The following WDR25 variants were observed in gnomAD, a reference collection of about 807,000 sequenced individuals.
The protein encoded by WDR25 is WD repeat domain 25.
In WDR25, 35 loss-of-function variants were observed where a neutral mutation model predicts 47.7. That is an observed-to-expected ratio of 0.73 (90% CI 0.56 to 0.97). WDR25 has a LOEUF of 0.97. WDR25 is among the 50% of genes least tolerant of loss of function. The pLI, the probability that WDR25 is intolerant of heterozygous loss-of-function variation, is 0.00. For synonymous variants in WDR25, 248 were observed against 278.9 expected (o/e 0.89, Z 1.10); for missense variants, 634 against 704.7 (o/e 0.90, Z 1.14).
intron 3 of WDR25, among the ~76,000 whole-genome samples, chr14:100,482,670 T>TGGA (rs1383242628): frequency 6.6e-6 from 1 of 152,182 alleles, no homozygotes; most frequent in Non-Finnish European, 1.5e-5. Context: ...CCTGGTGAGC[T>TGGA]GGTAGAGCCC....
In WDR25 at chr14:100,468,863, C is replaced by G. The variant is rs902189787; in HGVS notation, c.970+695C>G. The stretch of plus-strand genomic sequence containing the variant: ...CACCTCTGCCATCTGCCTCCCAGTC[C>G]GAGCTCCTTCCTCTCTTTCTCCTTT... On this transcript the variant is annotated intron_variant, in intron 3 of 6. Coordinates refer to ENST00000402312, the MANE Select transcript of WDR25 (RefSeq NM_001161476.3). The surrounding 1 kb of genome is among the most constrained non-coding windows in gnomAD (Gnocchi z 4.5). Among the ~76,000 whole-genome samples the G allele has an allele frequency of 6.6e-6, 1 of 152,112 alleles. No homozygotes were observed. Among genetic ancestry groups the G allele is most frequent in the African/African-American group, 2.4e-5 (1 of 41,422 alleles).
Position 100,426,509 on chromosome 14 carries a change from C to G in WDR25, c.823-41512C>G, listed in dbSNP as rs182322605. ...AGAGCTGTCAAAAGTCAATAAAGTA[C>G]TCAGACGCCTGCGTGCGCCCAGCCC... On this transcript the variant is annotated intron_variant, in intron 2 of 6. Coordinates refer to ENST00000402312, the MANE Select transcript of WDR25 (RefSeq NM_001161476.3). 2.4e-4 allele frequency among the ~76,000 whole-genome samples: 36 copies of G among 152,378 alleles called. No individual in the cohort carries two copies. In the East Asian group the frequency reaches 6.9e-3, roughly 29 times the overall value.
At chr14:100,426,018 C>T (rs535591814) in intron 2 of WDR25, among the ~76,000 whole-genome samples, 5 of 152,346 alleles carry the variant, frequency 3.3e-5, no homozygotes, top group Admixed American at 6.5e-5. Context: ...ACGCCGTCAT[C>T]GTGAATATGC....
chr14:100,491,420 C>A (rs1224580012), intron 4 of WDR25, among the ~76,000 whole-genome samples: 1 of 152,204 alleles, frequency 6.6e-6, no homozygotes, highest in Non-Finnish European at 1.5e-5. Flanking sequence ...AATGTCAGAC[C>A]ATATATAGGA....
intron 2 of WDR25, among the ~76,000 whole-genome samples, chr14:100,398,978 A>G (rs1897318033): frequency 2.0e-5 from 3 of 151,368 alleles, no homozygotes; most frequent in South Asian, 4.2e-4. Context: ...CAAGCAGAAG[A>G]TTTGCACCTT....
At chr14:100,421,730 T>C (rs1898032608) in intron 2 of WDR25, among the ~76,000 whole-genome samples, 1 of 152,242 alleles carries the variant, frequency 6.6e-6, no homozygotes, top group Non-Finnish European at 1.5e-5. Context: ...TTTTAAATGT[T>C]TCCTGCATAT....
Position 100,425,531 on chromosome 14 carries a change from C to T in WDR25, c.823-42490C>T, listed in dbSNP as rs137881013. Among the ~76,000 whole-genome samples, 286 of 152,274 alleles carry T rather than the reference C, an allele frequency of 1.9e-3. 1 individual carries two copies. Among genetic ancestry groups the T allele is most frequent in the African/African-American group, 6.5e-3 (268 of 41,534 alleles). The stretch of plus-strand genomic sequence containing the variant: ...GGGGAAAGATACCCGGGACAGAACC[C>T]GACTTTTGCACGTTACAGTAGAGGT... On this transcript the variant is annotated intron_variant, in intron 2 of 6. Coordinates refer to ENST00000402312, the MANE Select transcript of WDR25 (RefSeq NM_001161476.3). The surrounding 1 kb of genome is among the most constrained non-coding windows in gnomAD (Gnocchi z 4.8).
chr14:100,462,142 G>A (rs547466917), intron 2 of WDR25, among the ~76,000 whole-genome samples: 26 of 152,202 alleles, frequency 1.7e-4, no homozygotes, highest in Non-Finnish European at 3.5e-4. Flanking sequence ...TGGAGACTGT[G>A]AGGAACTCCT....
chr14:100,528,284 A>G (rs987327335), intron 5 of WDR25, among the ~76,000 whole-genome samples: 10 of 152,130 alleles, frequency 6.6e-5, no homozygotes, highest in African/African-American at 2.4e-4. Context: ...CTGGAGTGTC[A>G]AGGGGAGAAT....
Position 100,479,056 on chromosome 14 carries a change from G to A in WDR25, c.971-4938G>A, listed in dbSNP as rs555979465. On this transcript the variant is annotated intron_variant, in intron 3 of 6. Coordinates refer to ENST00000402312, the MANE Select transcript of WDR25 (RefSeq NM_001161476.3). ...TTGTCCTTGTGGGGAGAAAGAGTTT[G>A]GCAGTCCTGGGCCTTCTCGGTGGTG... is the stretch of plus-strand genomic sequence containing the variant. 2.0e-5 allele frequency among the ~76,000 whole-genome samples: 3 copies of A among 152,172 alleles called. No individual in the cohort carries two copies. In the East Asian group the frequency reaches 5.8e-4, roughly 29 times the overall value.
chr14:100,397,682 C>T (rs937938910), intron 2 of WDR25, among the ~76,000 whole-genome samples: 2 of 152,150 alleles, frequency 1.3e-5, no homozygotes, highest in Non-Finnish European at 2.9e-5. Flanking sequence ...AGCCATTGCT[C>T]AGCAGCAAAG....
At position 100,381,359 on chromosome 14, in the gene WDR25, G is replaced by C. The variant is rs1327894786; in HGVS notation, c.435G>C (p.Lys145Asn). Residue 145 changes from lysine to asparagine, a missense_variant, in exon 2 of 7, where the codon AAG becomes AAC. Physicochemically the swap from Lys to Asn is moderately conservative, Grantham distance 94. Coordinates refer to ENST00000402312, the MANE Select transcript of WDR25 (RefSeq NM_001161476.3). Reference protein sequence around the residue: ...KQVKLSRNFPKSSFHAQSESE... With the variant: ...KQVKLSRNFPNSSFHAQSESE... ...TAAAACTCTCCAGGAACTTTCCCAA[G>C]TCATCTTTCCATGCTCAAAGTGAGT... 1 of 1,614,238 alleles carries C rather than the reference G, an allele frequency of 6.2e-7. No individual in the cohort carries two copies. The highest frequency in any genetic ancestry group is 1.1e-5 in the South Asian group (1 of 91,088).
intron 2 of WDR25, among the ~76,000 whole-genome samples, chr14:100,432,734 A>G (rs1287516868): frequency 6.6e-6 from 1 of 152,262 alleles, no homozygotes; most frequent in African/African-American, 2.4e-5. Context: ...GTAATCATCA[A>G]CATCAGGAAA....
At chr14:100,415,991 G>T (rs754169015) in intron 2 of WDR25, among the ~76,000 whole-genome samples, 1 of 152,146 alleles carries the variant, frequency 6.6e-6, no homozygotes, top group Non-Finnish European at 1.5e-5. Context: ...ATCTCTGTCA[G>T]TGCACTGCCA....
chr14:100,378,254 C>G (rs1896778480), intron 1 of WDR25, among the ~76,000 whole-genome samples: 1 of 151,982 alleles, frequency 6.6e-6, no homozygotes, highest in African/African-American at 2.4e-5. Flanking sequence ...ACTGCAACCT[C>G]TGCCTCCTGG....
chr14:100,456,321 C>T (rs1299661465), intron 2 of WDR25, among the ~76,000 whole-genome samples: 2 of 152,140 alleles, frequency 1.3e-5, no homozygotes, highest in Non-Finnish European at 2.9e-5. Flanking sequence ...CTGGAGTACT[C>T]AGCCTCCTGA....
chr14:100,436,007 T>C (rs2140239062), intron 2 of WDR25, among the ~76,000 whole-genome samples: 1 of 152,230 alleles, frequency 6.6e-6, no homozygotes, highest in African/African-American at 2.4e-5. Flanking sequence ...TTTTGGGCCT[T>C]AATTGTCTTC....
chr14:100,477,453 C>T (rs1420005940), intron 3 of WDR25, among the ~76,000 whole-genome samples: 1 of 152,156 alleles, frequency 6.6e-6, no homozygotes, highest in Non-Finnish European at 1.5e-5. Context: ...AATAAGCATA[C>T]AGTGAATAAA....
intron 2 of WDR25, among the ~76,000 whole-genome samples, chr14:100,464,597 CA>C (rs780401364): frequency 5.3e-4 from 80 of 151,648 alleles, no homozygotes; most frequent in Non-Finnish European, 7.9e-4. Context: ...GAGCATTTTC[CA>C]TCTCTCCCTC....
Sources: gnomAD v4.1 joint callset for allele counts (sites outside exome capture counted in the v4.1 genomes callset) on GRCh38, gnomAD v4.1.1 for gene constraint, Gnocchi (gnomAD v3.1) non-coding constraint, MANE v1.5 for transcripts, NCBI Gene and HGNC (gene_info 2026-07-23, HGNC 2026-07-21) for gene names.